Variants in TBC1D9 observed in about 807,000 individuals in gnomAD.
TBC1D9 encodes TBC1 domain family member 9A.
TBC1D9 carries 63 observed loss-of-function variants against 132.0 expected under a neutral mutation model. The ratio of observed to expected loss-of-function variants is 0.48; its 90% confidence interval spans 0.39 to 0.59. The LOEUF is 0.59. TBC1D9 is among the 20% of genes least tolerant of loss of function. TBC1D9 has a pLI of 0.00. For synonymous variants in TBC1D9, 610 were observed against 609.9 expected (o/e 1.00, Z 0.00); for missense variants, 1,261 against 1,592.7 (o/e 0.79, Z 3.54).
At chr4:140,640,890 C>CTA (rs200212032) in intron 13 of TBC1D9, among the ~76,000 whole-genome samples, 3 of 142,000 alleles carry the variant, frequency 2.1e-5, no homozygotes, top group South Asian at 2.1e-4. Flanking sequence ...TACATATATG[C>CTA]TATATATATA....
intron 13 of TBC1D9, chr4:140,643,605 G>A (rs904818517): frequency 3.2e-6 from 3 of 934,840 alleles, no homozygotes; most frequent in Admixed American, 5.2e-5. Flanking sequence ...GCCTTCCTCC[G>A]GCGCTGCCTC....
intron 1 of TBC1D9, among the ~76,000 whole-genome samples, chr4:140,747,410 CT>C (rs1394302490): frequency 1.3e-5 from 2 of 151,904 alleles, no homozygotes; most frequent in East Asian, 3.9e-4. Context: ...GGTGTGGGAC[CT>C]AGGGTAAATC....
intron 1 of TBC1D9, among the ~76,000 whole-genome samples, chr4:140,733,294 G>A (rs1424298343): frequency 1.3e-5 from 2 of 151,426 alleles, no homozygotes; most frequent in Non-Finnish European, 3.0e-5. Context: ...AAATAATTAT[G>A]TGATTTTTTT....
At chr4:140,755,831 C>CG in intron 1 of TBC1D9, 85 bp downstream of exon 1, 1 of 1,348,300 alleles carries the variant, frequency 7.4e-7, no homozygotes, top group Non-Finnish European at 9.3e-7. Context: ...GACCGGGCGG[C>CG]GTCTCCCGAG....
intron 1 of TBC1D9, among the ~76,000 whole-genome samples, chr4:140,715,538 C>T (rs1325135533): frequency 1.3e-4 from 20 of 152,300 alleles, no homozygotes; most frequent in Non-Finnish European, 1.5e-5. Context: ...TGGATAGGCT[C>T]TTTGAGTAAA....
chr4:140,746,118 C>T (rs1431426154), intron 1 of TBC1D9, among the ~76,000 whole-genome samples: 7 of 152,110 alleles, frequency 4.6e-5, no homozygotes, highest in Non-Finnish European at 8.8e-5. Flanking sequence ...TCAAATCTCC[C>T]GAATTTGTTC....
At position 140,755,817 on chromosome 4, in the gene TBC1D9, A is replaced by G. The variant is rs565701429; in HGVS notation, c.130+99T>C. On this transcript the variant is annotated intron_variant, in intron 1 of 20. Transcript: ENST00000442267. ...GAGGCAGGGCGGGTCGCCCAGCCCC[A>G]GGGGACCGGGCGGCGTCTCCCGAGC... is the stretch of plus-strand genomic sequence containing the variant. The G allele has an allele frequency of 1.4e-4, 198 of 1,378,100 alleles. No individual in the cohort carries two copies. The African/African-American group carries it at 2.8e-3, about 19-fold the overall frequency. 85.4% of individuals were successfully genotyped at this position (1,378,100 alleles called of 1,614,324 possible).
chr4:140,696,316 G>T (rs1291401129), intron 2 of TBC1D9, among the ~76,000 whole-genome samples: 1 of 151,858 alleles, frequency 6.6e-6, no homozygotes, highest in African/African-American at 2.4e-5. Context: ...AATTACCCAG[G>T]CGTGGTGGCA....
At chr4:140,754,614 CAAAAAAAAAAAAA>C (rs34471976) in intron 1 of TBC1D9, among the ~76,000 whole-genome samples, 2 of 23,260 alleles carry the variant, frequency 8.6e-5, no homozygotes, top group Non-Finnish European at 1.4e-4. Context: ...GACTCTGTCT[CAAAAAAAAAAAAA>C]AAAAAAAAAA....
intron 1 of TBC1D9, among the ~76,000 whole-genome samples, chr4:140,752,863 C>G (rs1294739485): frequency 6.6e-6 from 1 of 152,106 alleles, no homozygotes; most frequent in Non-Finnish European, 1.5e-5. Context: ...ACTTTGAGAC[C>G]ACTTCTGGCC....
chr4:140,708,440 C>A (rs970990916), intron 1 of TBC1D9, among the ~76,000 whole-genome samples: 5 of 152,166 alleles, frequency 3.3e-5, no homozygotes, highest in Admixed American at 6.6e-5. Context: ...CAGAAATATT[C>A]AGGGAAAAGA....
chr4:140,720,274 C>T (rs1436794217), intron 1 of TBC1D9, among the ~76,000 whole-genome samples: 4 of 151,972 alleles, frequency 2.6e-5, no homozygotes, highest in African/African-American at 9.7e-5. Flanking sequence ...TAAACTTTAT[C>T]AATAAAACAA....
intron 13 of TBC1D9, among the ~76,000 whole-genome samples, chr4:140,640,623 CCAAGCGTAACTTTTCCCTTTGG>C (rs1440915631): frequency 6.6e-6 from 1 of 152,126 alleles, no homozygotes; most frequent in African/African-American, 2.4e-5. Flanking sequence ...GACTCAATTT[CCAAGCGTAACTTTTCCCTTTGG>C]CAAACTGAGT....
intron 6 of TBC1D9, among the ~76,000 whole-genome samples, chr4:140,671,772 AT>A (rs1311787323): frequency 1.3e-5 from 2 of 151,468 alleles, no homozygotes; most frequent in African/African-American, 4.9e-5. Flanking sequence ...TATACGGGTG[AT>A]TTATAATAGG....
At chr4:140,654,456 A>C (rs1252258376) in intron 13 of TBC1D9, among the ~76,000 whole-genome samples, 1 of 113,172 alleles carries the variant, frequency 8.8e-6, no homozygotes, top group Non-Finnish European at 1.9e-5. Context: ...AGAAAAAAGG[A>C]GAAAAAGAAG....
At chr4:140,642,824 G>A (rs2110981088) in intron 13 of TBC1D9, 1 of 600,840 alleles carries the variant, frequency 1.7e-6, no homozygotes, top group East Asian at 2.8e-5. Context: ...CCTCTTGCGG[G>A]CGGGCGACAG....
chr4:140,738,667 A>G (rs937980665), intron 1 of TBC1D9, among the ~76,000 whole-genome samples: 6 of 152,202 alleles, frequency 3.9e-5, no homozygotes, highest in African/African-American at 1.4e-4. Context: ...CCACCCTCAC[A>G]ATAAGCATGA....
intron 1 of TBC1D9, among the ~76,000 whole-genome samples, chr4:140,722,743 T>C (rs1197911691): frequency 6.6e-6 from 1 of 152,230 alleles, no homozygotes; most frequent in African/African-American, 2.4e-5. Flanking sequence ...GTGTTATTTC[T>C]TTTTTAAATT....
intron 1 of TBC1D9, among the ~76,000 whole-genome samples, chr4:140,729,878 CAA>C (rs1738560986): frequency 7.3e-6 from 1 of 137,528 alleles, no homozygotes; most frequent in Admixed American, 7.3e-5. Context: ...TGAATCTGAG[CAA>C]ACAACTATTT....
Sources: allele counts gnomAD v4.1 joint callset (sites outside exome capture counted in the v4.1 genomes callset), GRCh38; gene constraint gnomAD v4.1.1; transcripts MANE v1.5; gene names NCBI Gene and HGNC (gene_info 2026-07-23, HGNC 2026-07-21).